The following MYO18B variants were observed in gnomAD, a reference collection of about 807,000 sequenced individuals.
MYO18B encodes the protein myosin XVIIIB, also known as unconventional myosin-XVIIIb.
In MYO18B, 204 loss-of-function variants were observed where a neutral mutation model predicts 273.0. That is an observed-to-expected ratio of 0.75 (90% CI 0.67 to 0.84). The LOEUF (loss-of-function observed/expected upper bound fraction) is 0.84, where lower values mean the gene tolerates loss of function less well. Among genes scored for constraint, MYO18B ranks in the 40% least tolerant of loss-of-function variants. MYO18B has a pLI of 0.00. For synonymous variants in MYO18B, 1,330 were observed against 1,305.7 expected, an observed-to-expected ratio of 1.02 and a Z score of -0.40; for missense variants, 3,212 against 3,287.6, an observed-to-expected ratio of 0.98 and a Z score of 0.56.
chr22:25,954,862 C>T (rs916863445), intron 38 of MYO18B, among the ~76,000 whole-genome samples: 2 of 152,128 alleles, frequency 1.3e-5, no homozygotes, highest in Non-Finnish European at 2.9e-5. Flanking sequence ...CAGGCATGCG[C>T]CACCACGCCC....
chr22:25,948,123 C>G (rs2092736436), intron 36 of MYO18B, among the ~76,000 whole-genome samples: 1 of 152,138 alleles, frequency 6.6e-6, no homozygotes, highest in Non-Finnish European at 1.5e-5. Context: ...TCAATTCACC[C>G]ATTCACTTTT....
chr22:25,961,233 A>AG (rs1775667553), intron 39 of MYO18B, among the ~76,000 whole-genome samples: 5 of 151,764 alleles, frequency 3.3e-5, no homozygotes, highest in South Asian at 4.1e-4. Flanking sequence ...AAAAAAAAAA[A>AG]AAAGAAAGAA....
chr22:25,919,678 A>ATGTGTG (rs35856330), intron 33 of MYO18B, among the ~76,000 whole-genome samples: 5,197 of 148,064 alleles, frequency 0.035, 323 homozygotes, highest in African/African-American at 0.12. Context: ...GTGTGTGTGT[A>ATGTGTG]TGTGTGTGTG....
intron 39 of MYO18B, among the ~76,000 whole-genome samples, chr22:25,977,561 C>A (rs1052244209): frequency 1.3e-5 from 2 of 152,044 alleles, no homozygotes; most frequent in African/African-American, 4.8e-5. Context: ...AAAGGAAGGA[C>A]TTTGAGGCCC....
chr22:25,878,547 A>G (rs1329354347), intron 25 of MYO18B, among the ~76,000 whole-genome samples: 5 of 152,216 alleles, frequency 3.3e-5, no homozygotes, highest in Non-Finnish European at 7.3e-5. Context: ...TGAGCCAATA[A>G]TATGAATGGG....
chr22:26,041,850 C>T, the MYO18B span, among the ~76,000 whole-genome samples: 1 of 152,194 alleles, frequency 6.6e-6, no homozygotes, highest in East Asian at 1.9e-4. Flanking sequence ...TTCTCTGTGT[C>T]ACAACCTGGC....
intron 42 of MYO18B, among the ~76,000 whole-genome samples, chr22:26,016,961 A>G (rs964259933): frequency 9.2e-5 from 14 of 152,148 alleles, no homozygotes; most frequent in African/African-American, 3.4e-4. Flanking sequence ...GTTTATGAGA[A>G]TCACCTGCAG....
Position 26,027,155 on chromosome 22 carries a change from C to T in MYO18B, c.7181C>T (p.Ala2394Val), listed in dbSNP as rs375762858. The T allele has an allele frequency of 1.7e-5, 27 of 1,613,994 alleles. No homozygotes were observed. In the East Asian group the frequency reaches 2.2e-4, roughly 13 times the overall value. The change falls in exon 43 of 44, where the codon GCG becomes GTG. Residue 2394 changes from alanine (A) to valine (V), a missense_variant. Transcript: ENST00000335473. The surrounding 1 kb of genome is among the most constrained non-coding windows in gnomAD (Gnocchi z 4.1). ...RRCLESSVDD[A>V]GCPDLGKEPL... ...TGTCTGGAGTCCTCTGTGGACGATG[C>T]GGGCTGTCCAGACCTTGGAAAGGAG... is the stretch of plus-strand genomic sequence containing the variant.
the MYO18B span, among the ~76,000 whole-genome samples, chr22:26,040,802 C>T: frequency 4.3e-3 from 657 of 152,032 alleles, 11 homozygotes; most frequent in East Asian, 0.058. Context: ...GTAGGGTGAT[C>T]GAGTGGGTGA....
chr22:26,029,271 G>C (rs1289244949), intron 43 of MYO18B, among the ~76,000 whole-genome samples: 1 of 152,084 alleles, frequency 6.6e-6, no homozygotes, highest in Admixed American at 6.5e-5. Flanking sequence ...GGCTCTCAGG[G>C]TGCACCTGCT....
intron 25 of MYO18B, among the ~76,000 whole-genome samples, chr22:25,882,638 G>C (rs1267048939): frequency 6.6e-6 from 1 of 152,176 alleles, no homozygotes; most frequent in Non-Finnish European, 1.5e-5. Flanking sequence ...TTTGATGACT[G>C]AGTATTATGA....
At chr22:25,838,333 G>T (rs1400941552) in intron 17 of MYO18B, among the ~76,000 whole-genome samples, 4 of 152,002 alleles carry the variant, frequency 2.6e-5, no homozygotes, top group Non-Finnish European at 4.4e-5. Flanking sequence ...CAAGTAGCTG[G>T]GATTACAGGC....
chr22:26,041,528 T>A, the MYO18B span, among the ~76,000 whole-genome samples: 3 of 152,002 alleles, frequency 2.0e-5, no homozygotes, highest in Non-Finnish European at 4.4e-5. Flanking sequence ...TGAGGCTCTA[T>A]CTCAAAAATA....
At chr22:26,036,871 T>C in the MYO18B span, among the ~76,000 whole-genome samples, 1 of 152,192 alleles carries the variant, frequency 6.6e-6, no homozygotes, top group Non-Finnish European at 1.5e-5. Context: ...AAGAGCAATT[T>C]TCATTGTTCA....
chr22:25,760,545 A>G (rs133874), intron 1 of MYO18B, among the ~76,000 whole-genome samples: 52,288 of 151,640 alleles, frequency 0.34, 10,809 homozygotes, highest in East Asian at 0.71. Context: ...GGCTTTTCCT[A>G]AGCACCAGAA....
intron 41 of MYO18B, among the ~76,000 whole-genome samples, chr22:26,004,467 G>C (rs981658082): frequency 1.3e-5 from 2 of 152,146 alleles, no homozygotes; most frequent in Admixed American, 6.6e-5. Context: ...AAAGGAACAG[G>C]GTTTGCATCC....
intron 7 of MYO18B, among the ~76,000 whole-genome samples, chr22:25,773,256 G>A (rs1253922587): frequency 6.6e-6 from 1 of 152,146 alleles, no homozygotes; most frequent in South Asian, 2.1e-4. Flanking sequence ...CATCAGGGAA[G>A]GTGCCAGGCG....
At position 25,847,624 on chromosome 22, in the gene MYO18B, C is replaced by T; in HGVS notation, c.3747C>T (p.Ile1249=). The change falls in exon 20 of 44, where the codon ATC becomes ATT. Residue 1249 remains isoleucine (I), a synonymous_variant. Transcript: ENST00000335473. ...GGGTCCAGCTTGCTGGGTTCCACAT[C>T]CTGGAGGCTCTGCGTCTGCATAGGA... ...ALRVQLAGFH[I]LEALRLHRTG... 1.3e-6 allele frequency: 2 copies of T among 1,561,244 alleles called. No homozygotes were observed. Among genetic ancestry groups the T allele is most frequent in the Non-Finnish European group, 1.7e-6 (2 of 1,153,056 alleles).
At chr22:26,021,857 A>G (rs1935846703) in intron 42 of MYO18B, among the ~76,000 whole-genome samples, 1 of 152,192 alleles carries the variant, frequency 6.6e-6, no homozygotes, top group South Asian at 2.1e-4. Context: ...TATTCCTGGT[A>G]TCCAGCACAG....
Sources: gnomAD v4.1 joint callset for allele counts (sites outside exome capture counted in the v4.1 genomes callset) on GRCh38, gnomAD v4.1.1 for gene constraint, Gnocchi (gnomAD v3.1) non-coding constraint, MANE v1.5 for transcripts, NCBI Gene and HGNC (gene_info 2026-07-23, HGNC 2026-07-21) for gene names.